The following ADCY2 variants were observed in gnomAD, a reference collection of about 807,000 sequenced individuals.
ADCY2 encodes adenylate cyclase type 2.
A neutral mutation model predicts 125.2 loss-of-function variants in ADCY2; 31 were observed. The observed-to-expected ratio is 0.25, with a 90% CI of 0.19 to 0.33. The LOEUF (loss-of-function observed/expected upper bound fraction) is 0.33, where lower values mean the gene tolerates loss of function less well. Ranked by LOEUF, ADCY2 falls within the 10% of genes least tolerant of loss-of-function variation. ADCY2 has a pLI of 1.00. For synonymous variants in ADCY2, 512 were observed against 548.4 expected, an observed-to-expected ratio of 0.93 and a Z score of 0.93; for missense variants, 904 against 1,418.2, an observed-to-expected ratio of 0.64 and a Z score of 5.82.
In ADCY2 at chr5:7,644,100, G is replaced by C. The variant is rs910029348; in HGVS notation, c.720+17784G>C. ...TATTTTCTTAAATATCTCACAAATAGTGTCTTCATTCTTGATTCCTTTCAC... is the reference window on the plus strand; with the variant it reads ...TATTTTCTTAAATATCTCACAAATACTGTCTTCATTCTTGATTCCTTTCAC... On this transcript the variant is annotated intron_variant, in intron 4 of 24. Transcript: ENST00000338316. Among the ~76,000 whole-genome samples, 4 of 152,010 alleles carry C rather than the reference G, an allele frequency of 2.6e-5. No individual in the cohort carries two copies. In the East Asian group the frequency reaches 7.7e-4, roughly 29 times the overall value.
chr5:7,826,568 G>A (rs776236946), intron 24 of ADCY2, 151 bp from the exon 25 acceptor site: 7 of 993,652 alleles, frequency 7.0e-6, no homozygotes, highest in African/African-American at 3.2e-5. Context: ...TTTTTTTCTT[G>A]TGGATTACTC....
At chr5:7,662,874 C>T (rs1320573723) in intron 4 of ADCY2, among the ~76,000 whole-genome samples, 1 of 152,228 alleles carries the variant, frequency 6.6e-6, no homozygotes, top group Non-Finnish European at 1.5e-5. Context: ...AGGTCCAATC[C>T]TAGCATGAGC....
chr5:7,723,412 G>C (rs1463770694), intron 12 of ADCY2, among the ~76,000 whole-genome samples: 1 of 152,206 alleles, frequency 6.6e-6, no homozygotes, highest in Admixed American at 6.5e-5. Context: ...GGATGTTCAA[G>C]CTAATCATGG....
At chr5:7,500,090 A>C (rs1743506942) in intron 2 of ADCY2, among the ~76,000 whole-genome samples, 1 of 152,102 alleles carries the variant, frequency 6.6e-6, no homozygotes, top group Non-Finnish European at 1.5e-5. Context: ...GTTTTTATGC[A>C]CTTACTTGCA....
Position 7,690,846 on chromosome 5 carries a change from C to A in ADCY2, c.869+7C>A. ...AGCGGCATACAAACGTGAGGTACGA[C>A]GCTATGCTTGCTCCTTGGCTGGTCT... is the stretch of plus-strand genomic sequence containing the variant. On this transcript the variant is annotated splice_region_variant and intron_variant, in intron 5 of 24. Coordinates refer to ENST00000338316, the MANE Select transcript of ADCY2 (RefSeq NM_020546.3). 1 of 1,555,406 alleles carries A rather than the reference C, an allele frequency of 6.4e-7. No individual in the cohort carries two copies. Among genetic ancestry groups the A allele is most frequent in the Non-Finnish European group, 8.7e-7 (1 of 1,153,756 alleles).
chr5:7,606,734 T>C (rs755122720), intron 3 of ADCY2, among the ~76,000 whole-genome samples: 3 of 152,214 alleles, frequency 2.0e-5, no homozygotes, highest in Admixed American at 6.5e-5. Flanking sequence ...TGATGCTTGT[T>C]ATTTTTCGTT....
At chr5:7,478,094 T>C (rs1742587098) in intron 2 of ADCY2, among the ~76,000 whole-genome samples, 1 of 152,218 alleles carries the variant, frequency 6.6e-6, no homozygotes, top group African/African-American at 2.4e-5. Flanking sequence ...TCTGTAACTT[T>C]GTACATTTAC....
intron 16 of ADCY2, among the ~76,000 whole-genome samples, chr5:7,765,561 G>A (rs1449349482): frequency 6.6e-6 from 1 of 152,090 alleles, no homozygotes; most frequent in Non-Finnish European, 1.5e-5. Context: ...TATTGACTGT[G>A]AGAGGAATGT....
At chr5:7,590,372 A>G (rs1485617362) in intron 3 of ADCY2, among the ~76,000 whole-genome samples, 3 of 152,164 alleles carry the variant, frequency 2.0e-5, no homozygotes. Context: ...TAAATTGGAG[A>G]CATACTGCTG....
intron 18 of ADCY2, among the ~76,000 whole-genome samples, chr5:7,780,524 C>T (rs2126492607): frequency 6.6e-6 from 1 of 152,300 alleles, no homozygotes; most frequent in Non-Finnish European, 1.5e-5. Flanking sequence ...AAGTCATTGT[C>T]TCCTTGTTAG....
intron 2 of ADCY2, among the ~76,000 whole-genome samples, chr5:7,435,494 C>T (rs1193428192): frequency 6.6e-6 from 1 of 152,172 alleles, no homozygotes; most frequent in East Asian, 1.9e-4. Context: ...AGGGACAGTT[C>T]AGGGCATACA....
intron 20 of ADCY2, chr5:7,801,557 G>T (rs540796014): frequency 6.6e-6 from 1 of 152,314 alleles, no homozygotes; most frequent in Admixed American, 6.5e-5. Flanking sequence ...GAATTCGAAG[G>T]TGTCACTGTG....
At chr5:7,766,999 T>C (rs147861523) in intron 17 of ADCY2, among the ~76,000 whole-genome samples, 193 bp downstream of exon 17, 2 of 152,346 alleles carry the variant, frequency 1.3e-5, no homozygotes, top group Non-Finnish European at 2.9e-5. Context: ...GCTACACTTA[T>C]ATCTGAAAAC....
intron 3 of ADCY2, among the ~76,000 whole-genome samples, chr5:7,613,719 A>G (rs2126646432): frequency 6.6e-6 from 1 of 152,336 alleles, no homozygotes; most frequent in African/African-American, 2.4e-5. Flanking sequence ...TGTGGCTCAA[A>G]GCCTTGCTTC....
intron 3 of ADCY2, among the ~76,000 whole-genome samples, chr5:7,586,863 C>G (rs755313532): frequency 2.2e-4 from 34 of 152,286 alleles, no homozygotes; most frequent in Admixed American, 4.6e-4. Context: ...TGTTTACATC[C>G]ATCGCCACAT....
chr5:7,723,372 A>C (rs192873380), intron 12 of ADCY2, among the ~76,000 whole-genome samples: 2 of 152,288 alleles, frequency 1.3e-5, no homozygotes, highest in East Asian at 3.9e-4. Flanking sequence ...GCCCCAGTTG[A>C]AAGTGCCCTG....
At chr5:7,541,550 G>C (rs1164625654) in intron 3 of ADCY2, among the ~76,000 whole-genome samples, 2 of 152,194 alleles carry the variant, frequency 1.3e-5, no homozygotes, top group Non-Finnish European at 2.9e-5. Flanking sequence ...GTCACCAGGG[G>C]ACCTGGCCCC....
intron 2 of ADCY2, among the ~76,000 whole-genome samples, chr5:7,503,062 C>G (rs1203069715): frequency 6.6e-6 from 1 of 152,138 alleles, no homozygotes; most frequent in Non-Finnish European, 1.5e-5. Flanking sequence ...GATTGAGATT[C>G]GCTTTCCTTT....
Position 7,494,418 on chromosome 5 carries a change from C to T in ADCY2, c.409-26320C>T, listed in dbSNP as rs190811017. On this transcript the variant is annotated intron_variant, in intron 2 of 24. Coordinates refer to ENST00000338316, the MANE Select transcript of ADCY2 (RefSeq NM_020546.3). ...CCTTCTCTCTCTGCTCTCAACTCTA[C>T]GCTTTCCCTCCCTCTGCACATGCTG... is the stretch of plus-strand genomic sequence containing the variant. 1.9e-3 allele frequency among the ~76,000 whole-genome samples: 283 copies of T among 152,264 alleles called. 1 individual carries two copies. The highest frequency in any genetic ancestry group is 5.2e-3 in the African/African-American group (218 of 41,556).
Sources: allele counts gnomAD v4.1 joint callset (sites outside exome capture counted in the v4.1 genomes callset), GRCh38; gene constraint gnomAD v4.1.1; transcripts MANE v1.5; gene names NCBI Gene and HGNC (gene_info 2026-07-23, HGNC 2026-07-21).